SPATA4: variants seen among roughly 807,000 people sequenced by gnomAD.
The protein encoded by SPATA4 is spermatogenesis associated 4.
Under a neutral mutation model 31.8 loss-of-function variants are expected in SPATA4, and 35 were observed. The ratio of observed to expected loss-of-function variants is 1.10; its 90% confidence interval spans 0.84 to 1.46. SPATA4 has a LOEUF of 1.46. SPATA4 is among the 40% of genes most tolerant of loss of function. The pLI, the probability that SPATA4 is intolerant of heterozygous loss-of-function variation, is 0.00. For synonymous variants in SPATA4, 126 were observed against 132.4 expected (o/e 0.95, Z 0.33); for missense variants, 394 against 363.1 (o/e 1.09, Z -0.69).
intron 4 of SPATA4, among the ~76,000 whole-genome samples, chr4:176,188,702 A>G (rs1267302264): frequency 1.3e-5 from 2 of 152,236 alleles, no homozygotes; most frequent in Non-Finnish European, 2.9e-5. Flanking sequence ...ATTTGATAAA[A>G]TCATACAGTA....
intron 4 of SPATA4, among the ~76,000 whole-genome samples, chr4:176,190,308 A>G (rs1372567506): frequency 1.3e-5 from 2 of 152,172 alleles, no homozygotes; most frequent in Non-Finnish European, 2.9e-5. Context: ...TTAAACTTTA[A>G]AAGGTTTCAC....
intron 5 of SPATA4, 55 bp downstream of exon 5, chr4:176,188,064 G>T: frequency 2.3e-6 from 3 of 1,297,358 alleles, no homozygotes; most frequent in South Asian, 1.2e-5. Flanking sequence ...AACTTTAATT[G>T]AAGAAAGTCA....
intron 4 of SPATA4, among the ~76,000 whole-genome samples, chr4:176,191,951 G>A (rs936444053): frequency 4.6e-5 from 7 of 152,164 alleles, no homozygotes; most frequent in Non-Finnish European, 1.5e-5. Flanking sequence ...GAATGTTTGG[G>A]TGCCACAGAA....
At position 176,184,598 on chromosome 4, in the gene SPATA4, C is replaced by T. The variant is rs898613778; in HGVS notation, c.*182G>A. 1 of 393,448 alleles carries T rather than the reference C, an allele frequency of 2.5e-6. No homozygotes were observed. The highest frequency in any genetic ancestry group is 4.5e-6 in the Non-Finnish European group (1 of 220,644). The allele number at this position is 393,448 out of a possible 1,614,324, so 24.4% of individuals were successfully genotyped here. A position where few individuals can be genotyped will look rare whatever the true frequency, so the allele number is the denominator to read the frequency against. ...AATTTATTTAATTTTGTATTTTCAA[C>T]AATGCCTGGCATAGGAGTTTAATAA... is the stretch of plus-strand genomic sequence containing the variant. On this transcript the variant is annotated 3_prime_UTR_variant, in exon 6 of 6. Coordinates refer to ENST00000280191, the MANE Select transcript of SPATA4 (RefSeq NM_144644.4).
intron 3 of SPATA4, 22 bp from the exon 4 acceptor site, chr4:176,192,869 C>T (rs1179598656): frequency 3.7e-6 from 6 of 1,603,874 alleles, no homozygotes; most frequent in Non-Finnish European, 5.1e-6. Flanking sequence ...AAATAAAATA[C>T]TGTTGACAAG....
rs1752567399 is a variant in SPATA4 at position 176,193,574 on chromosome 4, G to A, written c.227C>T (p.Ser76Leu). 6 of 1,605,838 alleles carry A rather than the reference G, an allele frequency of 3.7e-6. No homozygotes were observed. Among genetic ancestry groups the A allele is most frequent in the Non-Finnish European group, 5.1e-6 (6 of 1,178,106 alleles). Residue 76 changes from serine (S) to leucine (L), a missense_variant, in exon 2 of 6, where the codon TCA (serine) becomes TTA (leucine). Ser to Leu is a moderately radical substitution (Grantham distance 145, BLOSUM62 -2). Coordinates refer to ENST00000280191, the MANE Select transcript of SPATA4 (RefSeq NM_144644.4). ...FFPRNINRDFSNGFLIAEIFC... is the reference protein window; with the variant it reads ...FFPRNINRDFLNGFLIAEIFC... ...TATTTCTGCAATTAGGAAGCCATTT[G>A]AAAAATCTCTGATCCGTGGCAATTA...
chr4:176,191,000 A>G (rs1752518127), intron 4 of SPATA4, among the ~76,000 whole-genome samples: 1 of 152,070 alleles, frequency 6.6e-6, no homozygotes, highest in African/African-American at 2.4e-5. Context: ...AAAATCAACT[A>G]AACTTAAAAA....
chr4:176,188,056 C>G (rs751288136), intron 5 of SPATA4, 63 bp downstream of exon 5: 1 of 1,223,344 alleles, frequency 8.2e-7, no homozygotes. Flanking sequence ...TTTTTTAAAA[C>G]TTTAATTGAA....
At chr4:176,192,890 G>C (rs373440203) in intron 3 of SPATA4, 43 bp from the exon 4 acceptor site, 28 of 1,593,312 alleles carry the variant, frequency 1.8e-5, no homozygotes, top group Middle Eastern at 1.7e-4. Flanking sequence ...CAACATTTTA[G>C]CAATGAGTTT....
chr4:176,192,838 A>G lies in SPATA4; in HGVS notation c.477T>C (p.Ser159=). The change falls in exon 4 of 6, where the codon AGT becomes AGC. Residue 159 remains serine, a synonymous_variant. Transcript: ENST00000280191. Reference sequence around the variant, plus strand: ...TGAAATTCACAAAGTCATCCTGGATACTTTTAATTCTGGAAATAAAAAATA... The same window carrying G: ...TGAAATTCACAAAGTCATCCTGGATGCTTTTAATTCTGGAAATAAAAAATA... The part of the protein sequence containing the change: ...YTLLTHREIK[S]IQDDFVNFTD... 1 of 1,612,640 alleles carries G rather than the reference A, an allele frequency of 6.2e-7. No individual in the cohort carries two copies. Among genetic ancestry groups the G allele is most frequent in the Non-Finnish European group, 8.5e-7 (1 of 1,179,492 alleles).
At position 176,193,544 on chromosome 4, in the gene SPATA4, C is replaced by T; in HGVS notation, c.257G>A (p.Cys86Tyr). ...TTCAAGTTCCCAGGGGTAATATATA[C>T]AGAATATTTCTGCAATTAGGAAGCC... is the stretch of plus-strand genomic sequence containing the variant. The part of the protein sequence containing the change: ...SNGFLIAEIF[C>Y]IYYPWELELS... The change falls in exon 2 of 6, where the codon TGT becomes TAT. Residue 86 changes from cysteine to tyrosine, a missense_variant. Transcript: ENST00000280191. 6.2e-7 allele frequency: 1 copy of T among 1,611,408 alleles called. No homozygotes were observed. The highest frequency in any genetic ancestry group is 8.5e-7 in the Non-Finnish European group (1 of 1,179,380).
chr4:176,195,393 C>G lies in SPATA4; in HGVS notation c.170G>C (p.Arg57Pro), dbSNP rs765139707. ...KSSRLSRSVL[R>P]WLQGLDLSFF... The stretch of plus-strand genomic sequence containing the variant: ...GCTGAGATCCAGACCCTGAAGCCAA[C>G]GCAGAACGGAACGAGACAAGCGGGA... The change falls in exon 1 of 6, where the codon CGT (arginine) becomes CCT (proline). Residue 57 changes from arginine (R) to proline (P), a missense_variant. Coordinates refer to ENST00000280191, the MANE Select transcript of SPATA4 (RefSeq NM_144644.4). 6.2e-7 allele frequency: 1 copy of G among 1,614,206 alleles called. No individual in the cohort carries two copies.
Position 176,195,478 on chromosome 4 carries a change from C to G in SPATA4, c.85G>C (p.Ala29Pro), listed in dbSNP as rs1752605398. 9.9e-6 allele frequency: 16 copies of G among 1,614,282 alleles called. No individual in the cohort carries two copies. Among genetic ancestry groups the G allele is most frequent in the Non-Finnish European group, 1.4e-5 (16 of 1,180,054 alleles). Reference sequence around the variant, plus strand: ...TTAGGCCTCCCTCGGATGGGAGCTGCTAGCTGTGGCGAAAGTGACGGTGAC... The same window carrying G: ...TTAGGCCTCCCTCGGATGGGAGCTGGTAGCTGTGGCGAAAGTGACGGTGAC... ...DKSPSLSPQL[A>P]APIRGRPKKC... Residue 29 changes from alanine to proline, a missense_variant, in exon 1 of 6, where the codon GCA becomes CCA. Physicochemically the swap from Ala to Pro is conservative, Grantham distance 27. Transcript: ENST00000280191.
Position 176,192,791 on chromosome 4 carries a change from C to T in SPATA4, c.524G>A (p.Arg175His), listed in dbSNP as rs776432160. Residue 175 changes from arginine to histidine, a missense_variant, in exon 4 of 6, where the codon CGT becomes CAT. Physicochemically the swap from Arg to His is conservative, Grantham distance 29 (BLOSUM62 0). Coordinates refer to ENST00000280191, the MANE Select transcript of SPATA4 (RefSeq NM_144644.4). ...VNFTDYSYQM[R>H]LPLVSRSTVS... is the part of the protein sequence containing the mutation. ...TGTAGACCTGGAAACCAGGGGTAAACGCATCTGGTAGCTATAGTCCGTGAA... is the reference window on the plus strand; with the variant it reads ...TGTAGACCTGGAAACCAGGGGTAAATGCATCTGGTAGCTATAGTCCGTGAA... 31 of 1,613,952 alleles carry T rather than the reference C, an allele frequency of 1.9e-5. 1 individual carries two copies. The highest frequency in any genetic ancestry group is 1.6e-4 in the Middle Eastern group (1 of 6,082).
At chr4:176,193,619 G>T (rs1167095709) in intron 1 of SPATA4, 37 bp from the exon 2 acceptor site, 17 of 1,550,354 alleles carry the variant, frequency 1.1e-5, no homozygotes, top group Non-Finnish European at 1.4e-5. Context: ...ATAAAGTGTA[G>T]TTAATTATGC....
rs1233527907 is a variant in SPATA4 at position 176,193,467 on chromosome 4, C to A, written c.334G>T (p.Ala112Ser). ...TSLKVKLDNW[A>S]QLEKFLARKK... ...TGCTAACGTACCTTCTCCAACTGTG[C>A]CCAGTTATCCAACTTGACTTTTAAA... The change falls in exon 2 of 6, where the codon GCA (alanine) becomes TCA (serine). Residue 112 changes from alanine (A) to serine (S), a missense_variant. By Grantham distance (99) the Ala-to-Ser change is moderately conservative. Coordinates refer to ENST00000280191, the MANE Select transcript of SPATA4 (RefSeq NM_144644.4). 1.2e-6 allele frequency: 2 copies of A among 1,613,252 alleles called. No homozygotes were observed. The highest frequency in any genetic ancestry group is 3.3e-5 in the Admixed American group (2 of 59,868).
chr4:176,193,170 T>C (rs1057497136), intron 2 of SPATA4, 94 bp from the exon 3 acceptor site: 2 of 883,226 alleles, frequency 2.3e-6, no homozygotes, highest in East Asian at 5.0e-5. Context: ...TTTATTTACC[T>C]ATGAAGTAAT....
At chr4:176,187,305 G>C (rs1303168271) in intron 5 of SPATA4, among the ~76,000 whole-genome samples, 1 of 151,884 alleles carries the variant, frequency 6.6e-6, no homozygotes, top group Admixed American at 6.6e-5. Context: ...ATTTTTATGT[G>C]TCAGGAATTA....
At chr4:176,195,282 G>A (rs903674835) in intron 1 of SPATA4, 63 bp downstream of exon 1, 34 of 1,555,296 alleles carry the variant, frequency 2.2e-5, no homozygotes, top group Non-Finnish European at 7.1e-6. Flanking sequence ...CTGAGGCCTG[G>A]CAGGCGGCGG....
Sources: gnomAD v4.1 joint callset for allele counts (sites outside exome capture counted in the v4.1 genomes callset) on GRCh38, gnomAD v4.1.1 for gene constraint, MANE v1.5 for transcripts, NCBI Gene and HGNC (gene_info 2026-07-23, HGNC 2026-07-21) for gene names.